The following NCOR1 variants were observed in gnomAD, a reference collection of about 807,000 sequenced individuals.
The protein encoded by NCOR1 is protein phosphatase 1, regulatory subunit 109.
NCOR1 carries 63 observed loss-of-function variants against 288.1 expected under a neutral mutation model. The ratio of observed to expected loss-of-function variants is 0.22; its 90% confidence interval spans 0.18 to 0.27. The LOEUF is 0.27. Among genes scored for constraint, NCOR1 ranks in the 10% least tolerant of loss-of-function variants. The pLI, the probability that NCOR1 is intolerant of heterozygous loss-of-function variation, is 1.00. For synonymous variants in NCOR1, 1,007 were observed against 1,065.9 expected, an observed-to-expected ratio of 0.94 and a Z score of 1.08; for missense variants, 2,397 against 3,019.2, an observed-to-expected ratio of 0.79 and a Z score of 4.83.
intron 45 of NCOR1, 114 bp from the exon 46 acceptor site, chr17:16,032,597 C>A: frequency 5.0e-6 from 5 of 996,730 alleles, no homozygotes; most frequent in Non-Finnish European, 7.1e-6. Flanking sequence ...CATGTGACAC[C>A]ATGAAAGCAA....
chr17:16,081,796 G>C (rs2063449417), intron 23 of NCOR1, among the ~76,000 whole-genome samples: 1 of 152,180 alleles, frequency 6.6e-6, no homozygotes, highest in African/African-American at 2.4e-5. Flanking sequence ...ACACTTAAAA[G>C]GAAAAGCCAG....
At chr17:16,040,364 G>A (rs1294589304) in intron 43 of NCOR1, 77 bp downstream of exon 43, 1 of 1,169,458 alleles carries the variant, frequency 8.6e-7, no homozygotes, top group Non-Finnish European at 1.3e-6. Context: ...TATACAGTTG[G>A]TACTCAGTAC....
At chr17:16,069,597 AG>A (rs2061513314) in intron 31 of NCOR1, among the ~76,000 whole-genome samples, 1 of 152,246 alleles carries the variant, frequency 6.6e-6, no homozygotes, top group Admixed American at 6.5e-5. Flanking sequence ...TAACACCAAC[AG>A]GAATAATTCA....
intron 33 of NCOR1, 85 bp downstream of exon 33, chr17:16,065,400 C>T (rs1019167702): frequency 7.2e-7 from 1 of 1,383,566 alleles, no homozygotes; most frequent in Non-Finnish European, 1.0e-6. Context: ...TTCCATCATT[C>T]ATTCAACAAG....
At chr17:16,060,408 G>A (rs1288777750) in intron 37 of NCOR1, among the ~76,000 whole-genome samples, 4 of 152,122 alleles carry the variant, frequency 2.6e-5, no homozygotes, top group Non-Finnish European at 5.9e-5. Context: ...CCAGTGTGCC[G>A]GTGACTTCCC....
intron 21 of NCOR1, among the ~76,000 whole-genome samples, chr17:16,095,440 T>TG (rs1555634604): frequency 1.4e-3 from 170 of 117,890 alleles, no homozygotes; most frequent in Non-Finnish European, 2.5e-3. Context: ...GGGAGGGAGG[T>TG]GGGGGGTCAG....
At chr17:16,043,175 C>A (rs966106759) in intron 42 of NCOR1, among the ~76,000 whole-genome samples, 9 of 152,170 alleles carry the variant, frequency 5.9e-5, no homozygotes, top group African/African-American at 2.2e-4. Flanking sequence ...GCAAAGAGAT[C>A]CAATAAAGTA....
intron 21 of NCOR1, among the ~76,000 whole-genome samples, chr17:16,095,493 G>T (rs1379863309): frequency 7.0e-6 from 1 of 143,042 alleles, no homozygotes; most frequent in Non-Finnish European, 1.5e-5. Context: ...GGAGGTAGGG[G>T]GGTCAGCCCC....
At chr17:16,104,336 A>G (rs1186020145) in intron 19 of NCOR1, among the ~76,000 whole-genome samples, 2 of 152,240 alleles carry the variant, frequency 1.3e-5, no homozygotes, top group African/African-American at 2.4e-5. Context: ...ACTTCTACAA[A>G]TTCATCCTTT....
intron 19 of NCOR1, among the ~76,000 whole-genome samples, chr17:16,106,417 C>CT (rs200041985): frequency 1.3e-4 from 18 of 142,820 alleles, no homozygotes; most frequent in Admixed American, 6.5e-4. Flanking sequence ...ACATGAGTAT[C>CT]TTTTTTTTTC....
intron 3 of NCOR1, among the ~76,000 whole-genome samples, chr17:16,185,076 G>T (rs1321728046): frequency 4.6e-5 from 7 of 150,968 alleles, no homozygotes; most frequent in Admixed American, 4.6e-4. Context: ...GTTACCAGGG[G>T]CAGGGGGTGG....
intron 15 of NCOR1, among the ~76,000 whole-genome samples, chr17:16,122,329 C>G (rs1161522974): frequency 1.3e-5 from 2 of 152,164 alleles, no homozygotes; most frequent in African/African-American, 4.8e-5. Flanking sequence ...AAATAATTCT[C>G]TCCCCTTCAG....
chr17:16,067,528 G>A (rs1211549428), intron 32 of NCOR1, among the ~76,000 whole-genome samples: 1 of 152,150 alleles, frequency 6.6e-6, no homozygotes, highest in Non-Finnish European at 1.5e-5. Flanking sequence ...AAAAAGCCTT[G>A]GCATTAGATC....
chr17:16,120,293 C>G (rs1486941881), intron 16 of NCOR1, among the ~76,000 whole-genome samples: 1 of 152,086 alleles, frequency 6.6e-6, no homozygotes, highest in Non-Finnish European at 1.5e-5. Context: ...TCCAAAGACA[C>G]AAATCTAATC....
intron 3 of NCOR1, among the ~76,000 whole-genome samples, chr17:16,175,834 T>TAAA (rs66939235): frequency 6.9e-6 from 1 of 144,804 alleles, no homozygotes; most frequent in Non-Finnish European, 1.5e-5. Context: ...TTGTCTCTTT[T>TAAA]AAAAAAAAAA....
rs200585221 is a variant in NCOR1, at chr17:16,197,803, C to A, written c.-70-3164G>T. ...AAGGGGAAAAGCCAGCATGTGGCAT[C>A]GTGAGGAGGGTTGATCTTTTTGGAA... On this transcript the variant is annotated intron_variant, in intron 1 of 45. Coordinates refer to ENST00000268712, the MANE Select transcript of NCOR1 (RefSeq NM_006311.4). Among the ~76,000 whole-genome samples, 5 of 152,166 alleles carry A rather than the reference C, an allele frequency of 3.3e-5. No homozygotes were observed. In the East Asian group the frequency reaches 7.7e-4, roughly 24 times the overall value.
intron 6 of NCOR1, among the ~76,000 whole-genome samples, chr17:16,157,691 C>A (rs2080037978): frequency 6.6e-6 from 1 of 152,104 alleles, no homozygotes; most frequent in South Asian, 2.1e-4. Context: ...GCTAAAAACC[C>A]TATTCTATCC....
intron 14 of NCOR1, among the ~76,000 whole-genome samples, 192 bp downstream of exon 14, chr17:16,137,119 A>G (rs963619334): frequency 5.3e-5 from 8 of 152,202 alleles, no homozygotes; most frequent in African/African-American, 1.7e-4. Flanking sequence ...AACTTAAAAT[A>G]TATTTGAAAT....
At chr17:16,059,383 T>C (rs1308544787) in intron 37 of NCOR1, among the ~76,000 whole-genome samples, 1 of 152,178 alleles carries the variant, frequency 6.6e-6, no homozygotes, top group Non-Finnish European at 1.5e-5. Context: ...CTAACAAAAC[T>C]TACTCCAAAC....
Sources: gnomAD v4.1 joint callset for allele counts (sites outside exome capture counted in the v4.1 genomes callset) on GRCh38, gnomAD v4.1.1 for gene constraint, MANE v1.5 for transcripts, NCBI Gene and HGNC (gene_info 2026-07-23, HGNC 2026-07-21) for gene names.